The following RPS6KA5 variants were observed in gnomAD, a reference collection of about 807,000 sequenced individuals.
RPS6KA5 encodes ribosomal protein S6 kinase A5.
In RPS6KA5, 27 loss-of-function variants were observed where a neutral mutation model predicts 85.5. That is an observed-to-expected ratio of 0.32 (90% CI 0.23 to 0.44). The LOEUF (loss-of-function observed/expected upper bound fraction) is 0.44, where lower values mean the gene tolerates loss of function less well. Ranked by LOEUF, RPS6KA5 falls within the 20% of genes least tolerant of loss-of-function variation. The probability of loss-of-function intolerance (pLI) is 1.00; values close to 1 mark genes in which losing one functional copy is unlikely to be tolerated. For synonymous variants in RPS6KA5, 334 were observed against 348.2 expected (o/e 0.96, Z 0.46); for missense variants, 811 against 980.9 (o/e 0.83, Z 2.31).
At chr14:91,045,260 CTTT>C (rs557182210) in intron 1 of RPS6KA5, among the ~76,000 whole-genome samples, 8 of 132,832 alleles carry the variant, frequency 6.0e-5, no homozygotes, top group Admixed American at 1.5e-4. Context: ...TCTGCTGATT[CTTT>C]TTTTTTTTTT....
At chr14:90,972,972 A>C (rs1197106060) in intron 3 of RPS6KA5, among the ~76,000 whole-genome samples, 1 of 152,254 alleles carries the variant, frequency 6.6e-6, no homozygotes, top group Non-Finnish European at 1.5e-5. Flanking sequence ...GGCCTCATTC[A>C]GTAAAGAAAA....
intron 2 of RPS6KA5, among the ~76,000 whole-genome samples, chr14:90,997,737 A>C (rs532942204): frequency 1.2e-4 from 18 of 152,182 alleles, no homozygotes; most frequent in Admixed American, 3.3e-4. Flanking sequence ...CTGGCCAGGC[A>C]GGGTGGCTCA....
intron 1 of RPS6KA5, among the ~76,000 whole-genome samples, chr14:91,047,152 A>T (rs903669148): frequency 3.9e-5 from 6 of 152,140 alleles, no homozygotes; most frequent in Non-Finnish European, 8.8e-5. Context: ...TACTTATTTA[A>T]TTATATGTTT....
intron 3 of RPS6KA5, among the ~76,000 whole-genome samples, chr14:90,976,760 AGAGT>A (rs1427758849): frequency 6.6e-6 from 1 of 152,216 alleles, no homozygotes; most frequent in Non-Finnish European, 1.5e-5. Context: ...AGGAGAGAAG[AGAGT>A]GTGTCCTACA....
At chr14:90,879,780 AATT>A (rs1309015433) in intron 14 of RPS6KA5, among the ~76,000 whole-genome samples, 6 of 118,418 alleles carry the variant, frequency 5.1e-5, no homozygotes, top group African/African-American at 1.8e-4. Context: ...CTCCACTCCT[AATT>A]TTTTTTTTTT....
chr14:91,053,931 C>T (rs905022171), intron 1 of RPS6KA5, among the ~76,000 whole-genome samples: 1 of 152,156 alleles, frequency 6.6e-6, no homozygotes, highest in African/African-American at 2.4e-5. Flanking sequence ...TTCTCAATTT[C>T]AAAACTTACT....
At chr14:91,047,003 C>A (rs1315512330) in intron 1 of RPS6KA5, among the ~76,000 whole-genome samples, 1 of 145,526 alleles carries the variant, frequency 6.9e-6, no homozygotes, top group Non-Finnish European at 1.5e-5. Flanking sequence ...GCTGTGATCA[C>A]ATCACTGCAC....
chr14:91,058,503 G>C (rs2043423818), intron 1 of RPS6KA5, among the ~76,000 whole-genome samples: 1 of 152,186 alleles, frequency 6.6e-6, no homozygotes, highest in African/African-American at 2.4e-5. Context: ...TGGCTGAGAA[G>C]CATATGACTT....
rs1314684959 is a variant in RPS6KA5, at chr14:90,947,473, C to T, written c.472G>A (p.Val158Ile). 6.2e-7 allele frequency: 1 copy of T among 1,612,626 alleles called. No individual in the cohort carries two copies. The highest frequency in any genetic ancestry group is 8.5e-7 in the Non-Finnish European group (1 of 1,178,700). The change falls in exon 4 of 17, where the codon GTT becomes ATT. Residue 158 changes from valine (V) to isoleucine (I), a missense_variant. Around this residue, in one of 3 missense-constraint regions of RPS6KA5, gnomAD observed 650 missense variants for 793.4 expected, o/e 0.82. Coordinates refer to ENST00000614987, the MANE Select transcript of RPS6KA5 (RefSeq NM_004755.4). ...TCGAGGGCAAGCACAATCTCTCCAA[C>T]ATAAATCTGCACCTCATGCTCTGTG... ...RFTEHEVQIY[V>I]GEIVLALEHL...
In RPS6KA5 at chr14:90,863,726, G is replaced by A. The variant is rs2032682071; in HGVS notation, c.*8348C>T. On this transcript the variant is annotated 3_prime_UTR_variant, in exon 17 of 17. Transcript: ENST00000614987. Reference sequence around the variant, plus strand: ...ACATGTAAATCTATAAAACACTGGTGAGACAAATTAAATACCTAAGTAAAT... The same window carrying A: ...ACATGTAAATCTATAAAACACTGGTAAGACAAATTAAATACCTAAGTAAAT... 1 of 152,128 alleles carries A rather than the reference G, an allele frequency of 6.6e-6. No homozygotes were observed. The highest frequency in any genetic ancestry group is 2.1e-4 in the South Asian group (1 of 4,820). 9.4% of individuals were successfully genotyped at this position (152,128 alleles called of 1,614,324 possible).
intron 3 of RPS6KA5, among the ~76,000 whole-genome samples, chr14:90,962,256 T>C (rs1329186758): frequency 6.6e-6 from 1 of 151,930 alleles, no homozygotes; most frequent in Non-Finnish European, 1.5e-5. Flanking sequence ...TGAAGCCCTA[T>C]TAAAGAATTT....
At chr14:90,998,284 CTGTT>C (rs1288473400) in intron 2 of RPS6KA5, among the ~76,000 whole-genome samples, 1 of 152,150 alleles carries the variant, frequency 6.6e-6, no homozygotes, top group Non-Finnish European at 1.5e-5. Flanking sequence ...ATAAAACTGA[CTGTT>C]ATAAAATTGC....
At chr14:90,929,580 C>T (rs1388387558) in intron 5 of RPS6KA5, among the ~76,000 whole-genome samples, 1 of 151,840 alleles carries the variant, frequency 6.6e-6, no homozygotes, top group Admixed American at 6.6e-5. Flanking sequence ...GATAATAGTA[C>T]AAAATATTTT....
At chr14:90,920,061 T>G in intron 7 of RPS6KA5, 145 bp downstream of exon 7, 2 of 688,278 alleles carry the variant, frequency 2.9e-6, no homozygotes, top group Non-Finnish European at 5.3e-6. Flanking sequence ...CTATATGCCA[T>G]ATGATAGAAA....
intron 3 of RPS6KA5, among the ~76,000 whole-genome samples, chr14:90,960,936 T>C (rs1324828953): frequency 1.3e-5 from 2 of 152,190 alleles, no homozygotes; most frequent in African/African-American, 2.4e-5. Flanking sequence ...ACAATGAAAA[T>C]GGGCTAAGTG....
At chr14:91,022,098 T>A (rs547639154) in intron 1 of RPS6KA5, among the ~76,000 whole-genome samples, 1 of 152,378 alleles carries the variant, frequency 6.6e-6, no homozygotes, top group East Asian at 1.9e-4. Flanking sequence ...TTATATTGTA[T>A]ACATATGTGG....
intron 4 of RPS6KA5, among the ~76,000 whole-genome samples, 183 bp from the exon 5 acceptor site, chr14:90,943,368 G>A (rs2037691321): frequency 6.6e-6 from 1 of 151,660 alleles, no homozygotes; most frequent in Non-Finnish European, 1.5e-5. Flanking sequence ...TGCGTTCTCT[G>A]GACCTCTCCA....
chr14:90,854,249 T>C lies in RPS6KA5; in HGVS notation c.*17825A>G, dbSNP rs1220954693. The C allele has an allele frequency of 3.6e-4, 54 of 151,970 alleles. No homozygotes were observed. The highest frequency in any genetic ancestry group is 1.3e-3 in the African/African-American group (53 of 41,332). 9.4% of individuals were successfully genotyped at this position (151,970 alleles called of 1,614,324 possible). On this transcript the variant is annotated 3_prime_UTR_variant, in exon 17 of 17. Coordinates refer to ENST00000614987, the MANE Select transcript of RPS6KA5 (RefSeq NM_004755.4). ...TAAGTAATTATTAAATGATTAATGT[T>C]TAATCATTAATCATTTAATAATAAA...
rs927018814 is a variant in RPS6KA5, at chr14:91,028,868, T to C, written c.104-27709A>G. 4.6e-5 allele frequency among the ~76,000 whole-genome samples: 7 copies of C among 152,226 alleles called. No individual in the cohort carries two copies. In the South Asian group the frequency reaches 8.3e-4, roughly 18 times the overall value. ...TATACACGCACATGGGTTTACTTTA[T>C]ATACATAGAGGTATTTATCTTCATA... On this transcript the variant is annotated intron_variant, in intron 1 of 16. Coordinates refer to ENST00000614987, the MANE Select transcript of RPS6KA5 (RefSeq NM_004755.4).
Sources: allele counts gnomAD v4.1 joint callset (sites outside exome capture counted in the v4.1 genomes callset), GRCh38; gene constraint gnomAD v4.1.1; regional missense constraint gnomAD v4.1.1; transcripts MANE v1.5; gene names NCBI Gene and HGNC (gene_info 2026-07-23, HGNC 2026-07-21).